TMEFF2: variants seen among roughly 807,000 people sequenced by gnomAD.
TMEFF2 encodes tomoregulin-2.
In TMEFF2, 28 loss-of-function variants were observed where a neutral mutation model predicts 53.8. The observed-to-expected ratio is 0.52, with a 90% CI of 0.39 to 0.71. The LOEUF (loss-of-function observed/expected upper bound fraction) is 0.71, where lower values mean the gene tolerates loss of function less well. Among genes scored for constraint, TMEFF2 ranks in the 30% least tolerant of loss-of-function variants. The pLI is 0.00. For missense variants in TMEFF2, 353 were observed against 455.2 expected (o/e 0.78, Z 2.04); for synonymous variants, 162 against 166.3 (o/e 0.97, Z 0.20).
chr2:192,162,712 A>G (rs1285777564), intron 4 of TMEFF2, among the ~76,000 whole-genome samples: 1 of 152,198 alleles, frequency 6.6e-6, no homozygotes, highest in Non-Finnish European at 1.5e-5. Context: ...TTACTATTAA[A>G]GAAGAGGAAA....
rs116070651 is a variant in TMEFF2, at chr2:192,163,895, C to T, written c.439+15773G>A. Among the ~76,000 whole-genome samples the T allele has an allele frequency of 9.2e-3, 1,404 of 152,152 alleles. 14 individuals are homozygous for T. The highest frequency in any genetic ancestry group is 0.015 in the Non-Finnish European group (1,035 of 68,006). On this transcript the variant is annotated intron_variant, in intron 4 of 9. Coordinates refer to ENST00000272771, the MANE Select transcript of TMEFF2 (RefSeq NM_016192.4). ...TGGCATGTAACATTTTTGTTCACAC[C>T]AATAACAATATAGAAAGGAATGGGA... is the stretch of plus-strand genomic sequence containing the variant.
intron 7 of TMEFF2, among the ~76,000 whole-genome samples, chr2:191,997,997 T>G (rs552264529): frequency 6.6e-6 from 1 of 152,084 alleles, no homozygotes; most frequent in South Asian, 2.1e-4. Flanking sequence ...TGTTTTGTTA[T>G]TTGTACTATT....
intron 3 of TMEFF2, among the ~76,000 whole-genome samples, chr2:192,181,941 C>A (rs1367256826): frequency 1.3e-5 from 2 of 151,702 alleles, no homozygotes; most frequent in Non-Finnish European, 2.9e-5. Flanking sequence ...ATAAGTCATC[C>A]TGGCCAACTG....
intron 7 of TMEFF2, among the ~76,000 whole-genome samples, chr2:191,967,503 A>T (rs967122933): frequency 6.6e-6 from 1 of 152,080 alleles, no homozygotes; most frequent in African/African-American, 2.4e-5. Flanking sequence ...TGAAAAATAG[A>T]TTTCCAGGCT....
At chr2:192,104,723 T>A (rs557169719) in intron 4 of TMEFF2, among the ~76,000 whole-genome samples, 1 of 152,006 alleles carries the variant, frequency 6.6e-6, no homozygotes, top group African/African-American at 2.4e-5. Flanking sequence ...GAGCCTTTCA[T>A]TACAATTCAG....
intron 4 of TMEFF2, among the ~76,000 whole-genome samples, chr2:192,128,275 GTAA>G (rs1689726762): frequency 1.3e-5 from 2 of 152,082 alleles, no homozygotes; most frequent in Non-Finnish European, 2.9e-5. Flanking sequence ...TTTATACTAT[GTAA>G]GAATTGACAG....
intron 4 of TMEFF2, among the ~76,000 whole-genome samples, chr2:192,096,677 T>G (rs1688916581): frequency 7.2e-6 from 1 of 139,164 alleles, no homozygotes; most frequent in Admixed American, 7.2e-5. Flanking sequence ...TCTCTTTTTT[T>G]TTTTTTTTTT....
intron 4 of TMEFF2, among the ~76,000 whole-genome samples, chr2:192,084,978 GA>G (rs1304918296): frequency 3.9e-5 from 6 of 152,034 alleles, no homozygotes; most frequent in Non-Finnish European, 7.4e-5. Context: ...ATTTTAAACT[GA>G]AAACTGTCAT....
In TMEFF2 at chr2:191,950,029, A is replaced by G; in HGVS notation, c.*282T>C. On this transcript the variant is annotated 3_prime_UTR_variant, in exon 10 of 10. Coordinates refer to ENST00000272771, the MANE Select transcript of TMEFF2 (RefSeq NM_016192.4). ...TTAAGAATGCCAATTTTTTCTCATC[A>G]CTGAGTATTTATTATATATAACAAA... 3 of 1,134,242 alleles carry G rather than the reference A, an allele frequency of 2.6e-6. No homozygotes were observed. The highest frequency in any genetic ancestry group is 2.2e-6 in the Non-Finnish European group (2 of 917,832). 70.3% of individuals were successfully genotyped at this position (1,134,242 alleles called of 1,614,324 possible). A position where few individuals can be genotyped will look rare whatever the true frequency, so the allele number is the denominator to read the frequency against.
At chr2:191,987,552 G>A (rs779053719) in intron 7 of TMEFF2, among the ~76,000 whole-genome samples, 17 of 151,986 alleles carry the variant, frequency 1.1e-4, no homozygotes, top group Non-Finnish European at 2.2e-4. Flanking sequence ...GACTACAGGC[G>A]CATGCCACCA....
chr2:192,034,222 A>T (rs1366970195), intron 5 of TMEFF2, among the ~76,000 whole-genome samples: 2 of 152,028 alleles, frequency 1.3e-5, no homozygotes, highest in Admixed American at 6.5e-5. Context: ...GATTTTGAGT[A>T]TCAAGAAAAA....
At chr2:192,057,622 A>G in intron 5 of TMEFF2, 57 bp downstream of exon 5, 3 of 1,427,434 alleles carry the variant, frequency 2.1e-6, no homozygotes, top group Non-Finnish European at 3.0e-6. Context: ...TGATGGTGTT[A>G]AAAAGAAATT....
chr2:192,131,025 T>C (rs13011094), intron 4 of TMEFF2, among the ~76,000 whole-genome samples: 113,836 of 146,494 alleles, frequency 0.78, 46,931 homozygotes, highest in Non-Finnish European at 0.93. Context: ...TCCTTCACCC[T>C]TAGCAGCAAG....
At chr2:192,014,656 T>C (rs952815662) in intron 5 of TMEFF2, among the ~76,000 whole-genome samples, 5 of 152,326 alleles carry the variant, frequency 3.3e-5, no homozygotes, top group Admixed American at 3.3e-4. Flanking sequence ...ATTTAAGTAA[T>C]TTGATCATTT....
intron 4 of TMEFF2, among the ~76,000 whole-genome samples, chr2:192,161,832 A>T (rs1209664285): frequency 1.2e-4 from 18 of 152,206 alleles, no homozygotes; most frequent in Admixed American, 1.2e-3. Context: ...ATAAAGCATA[A>T]GGAACAAGCA....
intron 4 of TMEFF2, among the ~76,000 whole-genome samples, chr2:192,126,914 A>G (rs6434538): frequency 0.44 from 66,467 of 152,066 alleles, 15,539 homozygotes; most frequent in East Asian, 0.73. Context: ...ACTTCAGGCA[A>G]TTCAAGTATT....
At chr2:192,045,196 C>T (rs73041685) in intron 5 of TMEFF2, among the ~76,000 whole-genome samples, 14,801 of 152,238 alleles carry the variant, frequency 0.097, 948 homozygotes, top group East Asian at 0.31. Flanking sequence ...GAACTGCAGA[C>T]CTTCTCTGAA....
At chr2:191,998,388 T>C in intron 6 of TMEFF2, 67 bp from the exon 7 acceptor site, 1 of 1,184,574 alleles carries the variant, frequency 8.4e-7, no homozygotes, top group Non-Finnish European at 1.2e-6. Context: ...CAAACTTATA[T>C]ATTTCCTCCA....
chr2:192,152,600 G>C (rs545504822), intron 4 of TMEFF2, among the ~76,000 whole-genome samples: 20 of 152,090 alleles, frequency 1.3e-4, no homozygotes, highest in African/African-American at 4.6e-4. Flanking sequence ...AAGGTAGCTA[G>C]TATGGTACCC....
Sources: allele counts gnomAD v4.1 joint callset (sites outside exome capture counted in the v4.1 genomes callset), GRCh38; gene constraint gnomAD v4.1.1; transcripts MANE v1.5; gene names NCBI Gene and HGNC (gene_info 2026-07-23, HGNC 2026-07-21).